The following GPRC5C variants were observed in gnomAD, a reference collection of about 807,000 sequenced individuals.
The protein encoded by GPRC5C is G protein-coupled receptor class C group 5 member C.
GPRC5C carries 22 observed loss-of-function variants against 31.4 expected under a neutral mutation model. The ratio of observed to expected loss-of-function variants is 0.70; its 90% CI spans 0.50 to 1.00. The LOEUF is 1.00. Among genes scored for constraint, GPRC5C ranks in the 50% least tolerant of loss-of-function variants. The pLI is 0.00. For synonymous variants in GPRC5C, 249 were observed against 257.5 expected (o/e 0.97, Z 0.32); for missense variants, 557 against 597.2 (o/e 0.93, Z 0.70).
chr17:74,447,164 C>CT lies in GPRC5C; in HGVS notation c.*137dup. ...GCCCCAGATCTGGAAGGGCCTCCCTCTCTGCCAGTGTTTGGGTGGGTGTCA... is the reference window on the plus strand; with the variant it reads ...GCCCCAGATCTGGAAGGGCCTCCCTCTTCTGCCAGTGTTTGGGTGGGTGTCA... On this transcript the variant is annotated 3_prime_UTR_variant, in exon 4 of 4. Coordinates refer to ENST00000392627, the MANE Select transcript of GPRC5C (RefSeq NM_022036.4). 1 of 1,448,940 alleles carries CT rather than the reference C, an allele frequency of 6.9e-7. No homozygotes were observed. The highest frequency in any genetic ancestry group is 1.4e-5 in the South Asian group (1 of 69,032). 89.8% of individuals were successfully genotyped at this position (1,448,940 alleles called of 1,614,324 possible). A position where few individuals can be genotyped will look rare whatever the true frequency, so the allele number is the denominator to read the frequency against.
chr17:74,433,836 A>C, intron 1 of GPRC5C: 1 of 1,007,796 alleles, frequency 9.9e-7, no homozygotes, highest in East Asian at 2.4e-5. Flanking sequence ...TGGTGGGTGG[A>C]GGGGGTCTCA....
chr17:74,434,027 G>T (rs2055395715), intron 1 of GPRC5C, among the ~76,000 whole-genome samples: 1 of 152,204 alleles, frequency 6.6e-6, no homozygotes, highest in Non-Finnish European at 1.5e-5. Context: ...GCCCCCTGGA[G>T]AGAGAAGGAG....
In GPRC5C at chr17:74,438,355, G is replaced by A. The variant is rs1312521242; in HGVS notation, c.-32-1390G>A. ...GGCTCACTGCAACTTCCACCTCCCGGGCTCAAGCAATTCTCCTGCCTCAGC... is the reference window on the plus strand; with the variant it reads ...GGCTCACTGCAACTTCCACCTCCCGAGCTCAAGCAATTCTCCTGCCTCAGC... On this transcript the variant is annotated intron_variant, in intron 1 of 3. Coordinates refer to ENST00000392627, the MANE Select transcript of GPRC5C (RefSeq NM_022036.4). Among the ~76,000 whole-genome samples the A allele has an allele frequency of 2.7e-5, 4 of 150,716 alleles. No individual in the cohort carries two copies. In the South Asian group the frequency reaches 6.3e-4, roughly 24 times the overall value.
At chr17:74,445,989 C>CCA (rs1555634008) in intron 3 of GPRC5C, 1 of 18,268 alleles carries the variant, frequency 5.5e-5, no homozygotes, top group African/African-American at 1.2e-4. Context: ...TGAGACCCCC[C>CCA]CCCCCCGCCC....
intron 1 of GPRC5C, among the ~76,000 whole-genome samples, chr17:74,436,973 C>T (rs772929425): frequency 6.6e-6 from 1 of 152,066 alleles, no homozygotes; most frequent in Non-Finnish European, 1.5e-5. Context: ...GATGGAGTCT[C>T]GCTCCGTCAC....
At position 74,440,923 on chromosome 17, in the gene GPRC5C, T is replaced by C. The variant is rs1168744435; in HGVS notation, c.1051+96T>C. Reference sequence around the variant, plus strand: ...AGTCTCTTGAGCAAAATGGAAAGTTTTTGAGGTTTTCTGTAGTTTTCTGCC... The same window carrying C: ...AGTCTCTTGAGCAAAATGGAAAGTTCTTGAGGTTTTCTGTAGTTTTCTGCC... On this transcript the variant is annotated intron_variant, in intron 2 of 3. Coordinates refer to ENST00000392627, the MANE Select transcript of GPRC5C (RefSeq NM_022036.4). This position sits in a 1 kb window ranked among gnomAD's most constrained non-coding sequence, Gnocchi z 4.4. The C allele has an allele frequency of 1.7e-6, 2 of 1,163,280 alleles. No individual in the cohort carries two copies. The highest frequency in any genetic ancestry group is 2.3e-6 in the Non-Finnish European group (2 of 883,040). The allele number at this position is 1,163,280 out of a possible 1,614,324, so 72.1% of individuals were successfully genotyped here.
downstream of GPRC5C, chr17:74,449,813 G>C (rs957049166): frequency 1.2e-5 from 2 of 162,968 alleles, no homozygotes; most frequent in African/African-American, 4.8e-5. Flanking sequence ...CCCACCCTCT[G>C]CCTAGATGGA....
intron 1 of GPRC5C, among the ~76,000 whole-genome samples, chr17:74,437,955 T>A (rs529312821): frequency 2.0e-5 from 3 of 152,266 alleles, no homozygotes; most frequent in Non-Finnish European, 4.4e-5. Flanking sequence ...GTGACTTAAA[T>A]GTGGACTACC....
chr17:74,449,485 C>A, downstream of GPRC5C: 3 of 570,394 alleles, frequency 5.3e-6, no homozygotes, highest in Non-Finnish European at 5.9e-6. Context: ...CGGAGGCCAC[C>A]AACCTGAAGC....
At chr17:74,433,192 T>A (rs1459187112) in intron 1 of GPRC5C, among the ~76,000 whole-genome samples, 1 of 152,038 alleles carries the variant, frequency 6.6e-6, no homozygotes, top group African/African-American at 2.4e-5. Flanking sequence ...GAGAGGAGAC[T>A]GTTGGAAGTA....
At chr17:74,444,890 T>C (rs1029752133) in intron 3 of GPRC5C, among the ~76,000 whole-genome samples, 2 of 152,160 alleles carry the variant, frequency 1.3e-5, no homozygotes, top group African/African-American at 4.8e-5. Context: ...GGATATTTTA[T>C]CTGACCGGTT....
intron 3 of GPRC5C, among the ~76,000 whole-genome samples, chr17:74,444,613 C>T (rs1031264843): frequency 5.3e-5 from 8 of 152,306 alleles, no homozygotes; most frequent in Non-Finnish European, 5.9e-5. Flanking sequence ...TCCCCCTCCC[C>T]GCCCTCTCTG....
At chr17:74,439,025 C>T (rs1253471154) in intron 1 of GPRC5C, among the ~76,000 whole-genome samples, 2 of 152,130 alleles carry the variant, frequency 1.3e-5, no homozygotes, top group Non-Finnish European at 2.9e-5. Flanking sequence ...ATTGCCCTTG[C>T]CTGGTTCTTA....
In GPRC5C at chr17:74,440,043, C is replaced by A; in HGVS notation, c.267C>A (p.Thr89=). The A allele has an allele frequency of 6.2e-7, 1 of 1,611,806 alleles. No homozygotes were observed. The part of the protein sequence containing the change: ...QDTKKRSLLG[T]QVFFLLGTLG... ...CCAAGAAACGGAGCCTGCTGGGGACCCAGGTATTCTTCCTTCTGGGGACCC... is the reference window on the plus strand; with the variant it reads ...CCAAGAAACGGAGCCTGCTGGGGACACAGGTATTCTTCCTTCTGGGGACCC... The change falls in exon 2 of 4, where the codon ACC becomes ACA. Residue 89 remains threonine, a synonymous_variant. Transcript: ENST00000392627. The surrounding 1 kb of genome is among the most constrained non-coding windows in gnomAD (Gnocchi z 4.4).
chr17:74,433,875 G>C, intron 1 of GPRC5C: 2 of 832,712 alleles, frequency 2.4e-6, no homozygotes, highest in South Asian at 2.7e-5. Context: ...GCTGGAGCGA[G>C]GAAGGGAGTT....
intron 1 of GPRC5C, among the ~76,000 whole-genome samples, chr17:74,433,268 G>C (rs1433536819): frequency 6.6e-6 from 1 of 152,160 alleles, no homozygotes; most frequent in East Asian, 1.9e-4. Context: ...CAACTGGACT[G>C]GGGGAGGGAG....
At chr17:74,441,096 G>A (rs2055532535) in intron 2 of GPRC5C, among the ~76,000 whole-genome samples, 1 of 151,844 alleles carries the variant, frequency 6.6e-6, no homozygotes, top group South Asian at 2.1e-4. Context: ...TCCACATGGT[G>A]AAACCCCGTC....
At position 74,437,988 on chromosome 17, in the gene GPRC5C, G is replaced by A. The variant is rs570159441; in HGVS notation, c.-32-1757G>A. 5.9e-5 allele frequency among the ~76,000 whole-genome samples: 9 copies of A among 151,846 alleles called. No homozygotes were observed. In the South Asian group the frequency reaches 6.2e-4, roughly 11 times the overall value. Reference sequence around the variant, plus strand: ...ACCTGCATTCATAGAATTTTGAAACGTATAACCTGTTTCTTTAAGCATTTA... The same window carrying A: ...ACCTGCATTCATAGAATTTTGAAACATATAACCTGTTTCTTTAAGCATTTA... On this transcript the variant is annotated intron_variant, in intron 1 of 3. Coordinates refer to ENST00000392627, the MANE Select transcript of GPRC5C (RefSeq NM_022036.4).
chr17:74,442,928 G>A (rs74627195), intron 2 of GPRC5C: 6,693 of 152,154 alleles, frequency 0.044, 172 homozygotes, highest in Middle Eastern at 0.072. Context: ...AATGCCGGTC[G>A]GGGCCAAATG....
Sources: allele counts gnomAD v4.1 joint callset (sites outside exome capture counted in the v4.1 genomes callset), GRCh38; gene constraint gnomAD v4.1.1; non-coding constraint Gnocchi (gnomAD v3.1); transcripts MANE v1.5; gene names NCBI Gene and HGNC (gene_info 2026-07-23, HGNC 2026-07-21).